PLEKHM2: variants seen among roughly 807,000 people sequenced by gnomAD.
PLEKHM2 encodes the protein pleckstrin homology domain-containing family M member 2.
PLEKHM2 carries 77 observed loss-of-function variants against 116.3 expected under a neutral mutation model. The observed-to-expected ratio is 0.66, with a 90% CI of 0.55 to 0.80. PLEKHM2 has a LOEUF of 0.80. Among genes scored for constraint, PLEKHM2 ranks in the 30% least tolerant of loss-of-function variants. The pLI is 0.00. For missense variants in PLEKHM2, 1,183 were observed against 1,354.9 expected (o/e 0.87, Z 1.99); for synonymous variants, 562 against 571.0 (o/e 0.98, Z 0.22).
chr1:15,730,038 C>T (rs1349690047), intron 14 of PLEKHM2, 109 bp downstream of exon 14: 17 of 470,134 alleles, frequency 3.6e-5, no homozygotes, highest in Admixed American at 1.0e-4. Context: ...ATTTCACAAT[C>T]GCCTACCTGG....
At chr1:15,730,217 G>A (rs1046183536) in intron 14 of PLEKHM2, among the ~76,000 whole-genome samples, 10 of 152,228 alleles carry the variant, frequency 6.6e-5, no homozygotes, top group Admixed American at 1.3e-4. Context: ...AAGGCAGGCG[G>A]ATCACCTGAG....
intron 6 of PLEKHM2, 81 bp downstream of exon 6, chr1:15,720,001 TC>T (rs2067968406): frequency 1.6e-6 from 2 of 1,215,126 alleles, no homozygotes; most frequent in African/African-American, 3.0e-5. Context: ...GGTGATGTCT[TC>T]CTTGGCTAGT....
Position 15,686,322 on chromosome 1 carries a change from T to C in PLEKHM2, c.60+1704T>C, listed in dbSNP as rs373523234. The stretch of plus-strand genomic sequence containing the variant: ...ATGGGCAGCATCATTGTTAGGAGCA[T>C]GGATTCTGGAGTCCAGCTGCCTGAT... On this transcript the variant is annotated intron_variant, in intron 1 of 19. Transcript: ENST00000375799. 6.3e-4 allele frequency among the ~76,000 whole-genome samples: 96 copies of C among 152,318 alleles called. 1 individual carries two copies. The South Asian group carries it at 0.019, about 30-fold the overall frequency.
At chr1:15,686,647 A>ATTTTTTTTTTTTTTTTTTT (rs1361252513) in intron 1 of PLEKHM2, among the ~76,000 whole-genome samples, 8 of 140,874 alleles carry the variant, frequency 5.7e-5, no homozygotes, top group African/African-American at 2.4e-4. Context: ...CACCCGGCTA[A>ATTTTTTTTTTTTTTTTTTT]ATTTTTTTTT....
chr1:15,699,469 T>C (rs966013836), intron 1 of PLEKHM2, among the ~76,000 whole-genome samples: 7 of 152,198 alleles, frequency 4.6e-5, no homozygotes, highest in Admixed American at 1.3e-4. Context: ...TGTGATAGTT[T>C]GCTCAGAATG....
Position 15,727,506 on chromosome 1 carries a change from T to C in PLEKHM2, c.1434T>C (p.Gly478=). The C allele has an allele frequency of 6.3e-7, 1 of 1,584,110 alleles. No homozygotes were observed. Among genetic ancestry groups the C allele is most frequent in the Non-Finnish European group, 8.6e-7 (1 of 1,165,850 alleles). ...TVESPSTVTS[G]GGHHDPAGLG... ...AGAGTCCAAGCACTGTTACATCAGG[T>C]GGCGGCCACCATGACCCTGCAGGGC... The change falls in exon 9 of 20, where the codon GGT becomes GGC. Residue 478 remains glycine, a synonymous_variant. Transcript: ENST00000375799. The surrounding 1 kb of genome is among the most constrained non-coding windows in gnomAD (Gnocchi z 7.5).
intron 1 of PLEKHM2, among the ~76,000 whole-genome samples, chr1:15,707,075 C>A (rs895286079): frequency 6.6e-6 from 1 of 151,094 alleles, no homozygotes; most frequent in Non-Finnish European, 1.5e-5. Context: ...GCTGTACAGG[C>A]CATGCGGTCT....
intron 1 of PLEKHM2, among the ~76,000 whole-genome samples, chr1:15,713,758 C>T (rs1207705575): frequency 6.6e-6 from 1 of 151,656 alleles, no homozygotes; most frequent in African/African-American, 2.4e-5. Flanking sequence ...GCCTCAGCCT[C>T]CCGAATAGCT....
intron 1 of PLEKHM2, among the ~76,000 whole-genome samples, chr1:15,704,554 AT>A (rs1641183358): frequency 6.6e-6 from 1 of 152,220 alleles, no homozygotes; most frequent in African/African-American, 2.4e-5. Context: ...ATTACAAAAA[AT>A]TCACAATAAC....
chr1:15,732,217 C>T, intron 17 of PLEKHM2, 133 bp from the exon 18 acceptor site: 1 of 958,634 alleles, frequency 1.0e-6, no homozygotes, highest in African/African-American at 1.6e-5. Flanking sequence ...CCCATCCCCG[C>T]CTCTGCTCCC....
Position 15,733,828 on chromosome 1 carries a change from C to T in PLEKHM2, c.2954C>T (p.Ala985Val). The T allele has an allele frequency of 6.2e-7, 1 of 1,613,156 alleles. No individual in the cohort carries two copies. The highest frequency in any genetic ancestry group is 8.5e-7 in the Non-Finnish European group (1 of 1,179,850). ...VDLPHTAIQE[A>V]SNKKKFEDAL... is the part of the protein sequence containing the mutation. ...CTCCCCCACACGGCGATCCAGGAAG[C>T]CTCCAACAAGAAGAAATTCGAGGAT... The change falls in exon 20 of 20, where the codon GCC becomes GTC. Residue 985 changes from alanine (A) to valine (V), a missense_variant. Around this residue, in one of 3 missense-constraint regions of PLEKHM2, gnomAD observed 594 missense variants for 720.1 expected, o/e 0.82. Transcript: ENST00000375799.
At chr1:15,716,880 C>T in intron 3 of PLEKHM2, 64 bp downstream of exon 3, 1 of 1,541,192 alleles carries the variant, frequency 6.5e-7, no homozygotes, top group Non-Finnish European at 8.8e-7. Flanking sequence ...TAGCTTGGGG[C>T]TCTGTCCCAG....
intron 1 of PLEKHM2, among the ~76,000 whole-genome samples, chr1:15,699,525 TC>T (rs1158101267): frequency 2.0e-5 from 3 of 152,216 alleles, no homozygotes; most frequent in Admixed American, 2.0e-4. Context: ...CATGAACTCA[TC>T]CTTTTTGATG....
At chr1:15,720,296 G>A in intron 6 of PLEKHM2, 1 of 981,302 alleles carries the variant, frequency 1.0e-6, no homozygotes, top group Non-Finnish European at 1.2e-6. Flanking sequence ...GAGCTTGTCT[G>A]ACCCCACATT....
rs747595615 is a variant in PLEKHM2 at position 15,716,227 on chromosome 1, TTTC to T, written c.61-7_61-5del. ...CATTTCTGATTTGGAGGTGTTTTTT[TTTC>T]TTTCAGTTGCAGAGCTATTTTGCTG... On this transcript the variant is annotated splice_polypyrimidine_tract_variant and splice_region_variant and intron_variant, in intron 1 of 19. Coordinates refer to ENST00000375799, the MANE Select transcript of PLEKHM2 (RefSeq NM_015164.4). 4.9e-5 allele frequency: 72 copies of T among 1,464,862 alleles called. No individual in the cohort carries two copies. Among genetic ancestry groups the T allele is most frequent in the African/African-American group, 5.7e-5 (4 of 69,568 alleles). 90.7% of individuals were successfully genotyped at this position (1,464,862 alleles called of 1,614,324 possible). A position where few individuals can be genotyped will look rare whatever the true frequency, so the allele number is the denominator to read the frequency against.
Position 15,729,887 on chromosome 1 carries a change from G to C in PLEKHM2, c.2166G>C (p.Lys722Asn). 6.2e-7 allele frequency: 1 copy of C among 1,613,324 alleles called. No individual in the cohort carries two copies. The highest frequency in any genetic ancestry group is 8.5e-7 in the Non-Finnish European group (1 of 1,179,798). ...PSILTDATME[K>N]LALAKFVAQE... Reference sequence around the variant, plus strand: ...TCCTGACGGATGCCACCATGGAGAAGCTGGCACTGGCCAAATTTGTGGCCC... The same window carrying C: ...TCCTGACGGATGCCACCATGGAGAACCTGGCACTGGCCAAATTTGTGGCCC... Residue 722 changes from lysine (K) to asparagine (N), a missense_variant, in exon 14 of 20, where the codon AAG becomes AAC. By Grantham distance (94) the Lys-to-Asn change is moderately conservative (BLOSUM62 0). Around this residue, in one of 3 missense-constraint regions of PLEKHM2, gnomAD observed 594 missense variants for 720.1 expected, o/e 0.82. Transcript: ENST00000375799. This position sits in a 1 kb window ranked among gnomAD's most constrained non-coding sequence, Gnocchi z 4.7.
At chr1:15,699,498 C>T (rs1388337671) in intron 1 of PLEKHM2, among the ~76,000 whole-genome samples, 1 of 152,164 alleles carries the variant, frequency 6.6e-6, no homozygotes, top group Non-Finnish European at 1.5e-5. Context: ...CAGCTGCATC[C>T]ATATCCCTGC....
At chr1:15,733,750 T>C in intron 19 of PLEKHM2, 47 bp from the exon 20 acceptor site, 1 of 1,596,870 alleles carries the variant, frequency 6.3e-7, no homozygotes, top group East Asian at 2.2e-5. Flanking sequence ...TGAAGACTCC[T>C]GTGGCCCTCA....
intron 19 of PLEKHM2, among the ~76,000 whole-genome samples, chr1:15,733,133 G>T (rs2068170558): frequency 6.6e-6 from 1 of 152,268 alleles, no homozygotes; most frequent in African/African-American, 2.4e-5. Context: ...AGAGCTGTCT[G>T]GGGGCAGAGG....
Sources: allele counts gnomAD v4.1 joint callset (sites outside exome capture counted in the v4.1 genomes callset), GRCh38; gene constraint gnomAD v4.1.1; regional missense constraint gnomAD v4.1.1; non-coding constraint Gnocchi (gnomAD v3.1); transcripts MANE v1.5; gene names NCBI Gene and HGNC (gene_info 2026-07-23, HGNC 2026-07-21).